The following SARNP variants were observed in gnomAD, a reference collection of about 807,000 sequenced individuals.
SARNP encodes the protein SAP domain containing ribonucleoprotein.
Under a neutral mutation model 38.1 loss-of-function variants are expected in SARNP, and 5 were observed. The observed-to-expected ratio is 0.13, with a 90% CI of 0.07 to 0.28. The LOEUF (loss-of-function observed/expected upper bound fraction) is 0.28. Among genes scored for constraint, SARNP ranks in the 10% least tolerant of loss-of-function variants. The pLI, the probability that SARNP is intolerant of heterozygous loss-of-function variation, is 1.00. For synonymous variants in SARNP, 84 were observed against 80.6 expected, an observed-to-expected ratio of 1.04 and a Z score of -0.23; for missense variants, 180 against 243.9, an observed-to-expected ratio of 0.74 and a Z score of 1.75.
rs1180213117 is a variant in SARNP at position 55,817,722 on chromosome 12, T to C, written c.-21A>G. The stretch of plus-strand genomic sequence containing the variant: ...GCCATCTTGTTACCCCTCACTCCAC[T>C]AGGCCCCCACCCGCGGCCTCCGCCT... On this transcript the variant is annotated 5_prime_UTR_variant, in exon 1 of 11. Transcript: ENST00000336133. 4 of 1,608,400 alleles carry C rather than the reference T, an allele frequency of 2.5e-6. No homozygotes were observed. The highest frequency in any genetic ancestry group is 1.7e-6 in the Non-Finnish European group (2 of 1,177,874).
At chr12:55,804,796 T>C (rs778607184) in intron 1 of SARNP, among the ~76,000 whole-genome samples, 26 of 152,282 alleles carry the variant, frequency 1.7e-4, no homozygotes, top group Non-Finnish European at 3.7e-4. Flanking sequence ...AGATAGATCT[T>C]TGGTCTGAAA....
At chr12:55,765,940 C>T (rs1008706525) in intron 9 of SARNP, among the ~76,000 whole-genome samples, 1 of 152,106 alleles carries the variant, frequency 6.6e-6, no homozygotes, top group Non-Finnish European at 1.5e-5. Flanking sequence ...TGGAAACAAA[C>T]GTACAATAAA....
intron 9 of SARNP, among the ~76,000 whole-genome samples, chr12:55,785,214 T>C (rs1025250599): frequency 3.3e-5 from 5 of 152,180 alleles, no homozygotes; most frequent in African/African-American, 9.7e-5. Flanking sequence ...GCTATACGTA[T>C]TGACAATCAA....
intron 1 of SARNP, among the ~76,000 whole-genome samples, chr12:55,804,685 T>C (rs889485474): frequency 1.3e-5 from 2 of 152,132 alleles, no homozygotes; most frequent in Non-Finnish European, 2.9e-5. Flanking sequence ...ATGGCCTTAC[T>C]GGGCTCTATA....
chr12:55,801,310 G>A (rs140544893), intron 2 of SARNP, among the ~76,000 whole-genome samples: 8 of 152,212 alleles, frequency 5.3e-5, no homozygotes, highest in African/African-American at 1.9e-4. Context: ...GGGTGTGGGG[G>A]TGTGCGCCTA....
At chr12:55,781,166 T>C (rs908958657) in intron 9 of SARNP, among the ~76,000 whole-genome samples, 2 of 152,232 alleles carry the variant, frequency 1.3e-5, no homozygotes, top group Non-Finnish European at 2.9e-5. Context: ...ATCAGTTAGC[T>C]ACAATGAAAT....
chr12:55,790,201 A>T (rs1245529294), intron 8 of SARNP, among the ~76,000 whole-genome samples: 1 of 151,882 alleles, frequency 6.6e-6, no homozygotes, highest in Non-Finnish European at 1.5e-5. Flanking sequence ...ACTATCTACA[A>T]ACAGAACTCC....
downstream of SARNP, chr12:55,757,200 C>T: frequency 4.6e-6 from 1 of 215,074 alleles, no homozygotes; most frequent in Non-Finnish European, 9.2e-6. Flanking sequence ...TAATATTTGC[C>T]CCTGAAGCTC....
At chr12:55,788,959 T>C (rs1441283253) in intron 9 of SARNP, 116 bp downstream of exon 9, 1 of 712,582 alleles carries the variant, frequency 1.4e-6, no homozygotes, top group Non-Finnish European at 2.5e-6. Flanking sequence ...ATCAAGTATG[T>C]GAAATGAAAT....
At chr12:55,763,308 CTTT>C (rs34618547) in intron 9 of SARNP, among the ~76,000 whole-genome samples, 14 of 146,062 alleles carry the variant, frequency 9.6e-5, no homozygotes, top group Admixed American at 1.4e-4. Flanking sequence ...TCATTTACTA[CTTT>C]TTTTTTTTTT....
At position 55,817,694 on chromosome 12, in the gene SARNP, G is replaced by T; in HGVS notation, c.8C>A (p.Thr3Asn). The change falls in exon 1 of 11, where the codon ACC becomes AAC. Residue 3 changes from threonine to asparagine, a missense_variant. Transcript: ENST00000336133. MA[T>N]ETVELHKLKL... ...TAGCTTATGGAGCTCCACCGTCTCGGTCGCCATCTTGTTACCCCTCACTCC... is the reference window on the plus strand; with the variant it reads ...TAGCTTATGGAGCTCCACCGTCTCGTTCGCCATCTTGTTACCCCTCACTCC... 2 of 1,613,150 alleles carry T rather than the reference G, an allele frequency of 1.2e-6. No homozygotes were observed. Among genetic ancestry groups the T allele is most frequent in the Non-Finnish European group, 8.5e-7 (1 of 1,179,600 alleles).
chr12:55,773,745 T>C (rs1879079031), intron 9 of SARNP, among the ~76,000 whole-genome samples: 1 of 152,188 alleles, frequency 6.6e-6, no homozygotes, highest in Non-Finnish European at 1.5e-5. Context: ...AGTTTTGCTC[T>C]TGTCGCCCAG....
intron 9 of SARNP, among the ~76,000 whole-genome samples, chr12:55,775,712 T>A (rs1378699582): frequency 1.3e-5 from 2 of 151,954 alleles, no homozygotes; most frequent in Non-Finnish European, 2.9e-5. Context: ...CCTTAAAACA[T>A]CTCCAATTTG....
intron 5 of SARNP, among the ~76,000 whole-genome samples, chr12:55,795,810 T>C (rs923168717): frequency 2.6e-5 from 4 of 152,130 alleles, no homozygotes; most frequent in African/African-American, 9.7e-5. Flanking sequence ...GACCATAATA[T>C]TACATATAAA....
chr12:55,810,608 A>ATGGT (rs1222615999), intron 1 of SARNP, among the ~76,000 whole-genome samples: 1 of 151,696 alleles, frequency 6.6e-6, no homozygotes, highest in Non-Finnish European at 1.5e-5. Context: ...GTGCACCACC[A>ATGGT]TGCCCAGCTA....
intron 7 of SARNP, chr12:55,792,535 C>CTTTTTTTTTTTTT (rs71074859): frequency 4.9e-4 from 51 of 103,164 alleles, no homozygotes; most frequent in Non-Finnish European, 6.3e-4. Context: ...CCACACCCAG[C>CTTTTTTTTTTTTT]TTTTTTTTTT....
chr12:55,760,407 T>C (rs972869332), intron 10 of SARNP, 144 bp downstream of exon 10: 1 of 596,888 alleles, frequency 1.7e-6, no homozygotes, highest in African/African-American at 1.9e-5. Context: ...TCACTCTCAC[T>C]TCCTGGGCAA....
chr12:55,806,741 T>C lies in SARNP; in HGVS notation c.37-3013A>G, dbSNP rs537386225. On this transcript the variant is annotated intron_variant, in intron 1 of 10. Coordinates refer to ENST00000336133, the MANE Select transcript of SARNP (RefSeq NM_033082.4). ...TTTTAGTAGAGACGGGGTTTCACCA[T>C]ATTGGCCAGGCTGGTCTCGAACTCC... Among the ~76,000 whole-genome samples, 6 of 152,284 alleles carry C rather than the reference T, an allele frequency of 3.9e-5. No individual in the cohort carries two copies. In the East Asian group the frequency reaches 1.2e-3, roughly 29 times the overall value.
chr12:55,808,174 T>C (rs921847450), intron 1 of SARNP, among the ~76,000 whole-genome samples: 20 of 152,086 alleles, frequency 1.3e-4, no homozygotes, highest in Non-Finnish European at 7.4e-5. Flanking sequence ...AAAAGGAAAA[T>C]AGACATTATT....
Sources: allele counts gnomAD v4.1 joint callset (sites outside exome capture counted in the v4.1 genomes callset), GRCh38; gene constraint gnomAD v4.1.1; transcripts MANE v1.5; gene names NCBI Gene and HGNC (gene_info 2026-07-23, HGNC 2026-07-21).